Variants in CLSTN3 observed in about 807,000 individuals in gnomAD.
CLSTN3 encodes calsyntenin-3.
In CLSTN3, 36 loss-of-function variants were observed where a neutral mutation model predicts 95.9. The observed-to-expected ratio is 0.38, with a 90% CI of 0.29 to 0.50. The LOEUF is 0.50. CLSTN3 is among the 20% of genes least tolerant of loss of function. CLSTN3 has a pLI of 0.95. For synonymous variants in CLSTN3, 481 were observed against 504.0 expected, an observed-to-expected ratio of 0.95 and a Z score of 0.61; for missense variants, 1,084 against 1,268.8, an observed-to-expected ratio of 0.85 and a Z score of 2.21.
At chr12:7,142,239 C>A in intron 10 of CLSTN3, 100 bp downstream of exon 10, 1 of 1,004,648 alleles carries the variant, frequency 1.0e-6, no homozygotes, top group Non-Finnish European at 1.5e-6. Context: ...CTGTGACAGC[C>A]TCCTAGGCCA....
chr12:7,141,183 G>A lies in CLSTN3; in HGVS notation c.1324-59G>A, dbSNP rs1278961186. ...TCCCAGGAGATGGGGCAGTGCCTAG[G>A]GTTAGCTCTCTGAAGACGAATTACC... On this transcript the variant is annotated intron_variant, in intron 8 of 17. Coordinates refer to ENST00000266546, the MANE Select transcript of CLSTN3 (RefSeq NM_014718.4). This position sits in a 1 kb window ranked among gnomAD's most constrained non-coding sequence, Gnocchi z 4.1. 3 of 1,563,244 alleles carry A rather than the reference G, an allele frequency of 1.9e-6. No individual in the cohort carries two copies. Among genetic ancestry groups the A allele is most frequent in the Non-Finnish European group, 2.6e-6 (3 of 1,146,508 alleles).
chr12:7,134,568 C>G (rs957750914), intron 3 of CLSTN3, among the ~76,000 whole-genome samples: 3 of 152,232 alleles, frequency 2.0e-5, no homozygotes, highest in Admixed American at 6.5e-5. Context: ...CTGCTTGCCC[C>G]GGTGCATGAC....
In CLSTN3 at chr12:7,137,795, T is replaced by TGTGA. The variant is rs768487238; in HGVS notation, c.1211-159_1211-158insTGAG. Among the ~76,000 whole-genome samples the TGTGA allele has an allele frequency of 0.017, 1,234 of 70,594 alleles. 19 individuals carry two copies. Among genetic ancestry groups the TGTGA allele is most frequent in the East Asian group, 0.035 (65 of 1,882 alleles). 46.3% of individuals were successfully genotyped at this position (70,594 alleles called of 152,430 possible). A position where few individuals can be genotyped will look rare whatever the true frequency, so the allele number is the denominator to read the frequency against. ...GTGTGTGTGTGTGTGTGTGTGTGTG[T>TGTGA]GAGAGAGAGAGAGAGAGAGAGAGAG... is the stretch of plus-strand genomic sequence containing the variant. On this transcript the variant is annotated intron_variant, in intron 7 of 17. Transcript: ENST00000266546. The surrounding 1 kb of genome is among the most constrained non-coding windows in gnomAD (Gnocchi z 4.4).
chr12:7,152,826 G>A (rs1032372165), intron 16 of CLSTN3, among the ~76,000 whole-genome samples: 7 of 152,172 alleles, frequency 4.6e-5, no homozygotes, highest in Admixed American at 6.5e-5. Context: ...CCAAGTTCAC[G>A]CAGCTAGAAA....
chr12:7,156,229 G>A (rs1443073922), intron 16 of CLSTN3: 1 of 455,602 alleles, frequency 2.2e-6, no homozygotes, highest in Admixed American at 2.4e-5. Context: ...TGACCCAGCT[G>A]CCCGTAAGGG....
intron 4 of CLSTN3, 114 bp from the exon 5 acceptor site, chr12:7,135,690 C>T: frequency 7.1e-7 from 1 of 1,418,406 alleles, no homozygotes; most frequent in Non-Finnish European, 9.7e-7. Flanking sequence ...TGCCTTTTTT[C>T]CCAGCGTCCT....
chr12:7,150,524 A>T lies in CLSTN3; in HGVS notation c.2246-20A>T, dbSNP rs1939705781. 8.7e-6 allele frequency: 14 copies of T among 1,602,672 alleles called. No individual in the cohort carries two copies. Among genetic ancestry groups the T allele is most frequent in the Non-Finnish European group, 1.1e-5 (13 of 1,171,668 alleles). ...CCTGCCTCCACTGGCCCCTGCCCTG[A>T]GGTGCTTCCTCATCTCCAGGGGTGG... is the stretch of plus-strand genomic sequence containing the variant. On this transcript the variant is annotated intron_variant, in intron 14 of 17. Transcript: ENST00000266546. This position sits in a 1 kb window ranked among gnomAD's most constrained non-coding sequence, Gnocchi z 4.0.
chr12:7,156,179 A>G (rs763764213), intron 16 of CLSTN3: 3 of 430,112 alleles, frequency 7.0e-6, no homozygotes, highest in Non-Finnish European at 1.4e-5. Context: ...GCTGCTGTGT[A>G]TGCATGGTGG....
intron 8 of CLSTN3, among the ~76,000 whole-genome samples, chr12:7,140,606 A>G (rs1281005557): frequency 6.6e-6 from 1 of 152,100 alleles, no homozygotes; most frequent in Non-Finnish European, 1.5e-5. Flanking sequence ...GGGAAGCAAT[A>G]TTTATTTTAG....
intron 1 of CLSTN3, 144 bp from the exon 2 acceptor site, chr12:7,132,880 C>A: frequency 2.7e-6 from 3 of 1,093,554 alleles, no homozygotes; most frequent in Non-Finnish European, 4.1e-6. Flanking sequence ...TGTCCTCAAC[C>A]ACCCGCCTCC....
chr12:7,158,318 C>T lies in CLSTN3; in HGVS notation c.*237C>T, dbSNP rs1939859218. 4.6e-6 allele frequency: 2 copies of T among 431,056 alleles called. No individual in the cohort carries two copies. The highest frequency in any genetic ancestry group is 2.0e-5 in the African/African-American group (1 of 49,772). The allele number at this position is 431,056 out of a possible 1,614,324, so 26.7% of individuals were successfully genotyped here. A position where few individuals can be genotyped will look rare whatever the true frequency, so the allele number is the denominator to read the frequency against. On this transcript the variant is annotated 3_prime_UTR_variant, in exon 18 of 18. Coordinates refer to ENST00000266546, the MANE Select transcript of CLSTN3 (RefSeq NM_014718.4). Reference sequence around the variant, plus strand: ...TCCTGGTGTGCCCCTTGCACTGGGGCTGGCTGGGTTGGAAAGTGGGCTGGA... The same window carrying T: ...TCCTGGTGTGCCCCTTGCACTGGGGTTGGCTGGGTTGGAAAGTGGGCTGGA...
chr12:7,150,420 G>C lies in CLSTN3; in HGVS notation c.2246-124G>C. 8.4e-7 allele frequency: 1 copy of C among 1,183,776 alleles called. No individual in the cohort carries two copies. The highest frequency in any genetic ancestry group is 1.2e-6 in the Non-Finnish European group (1 of 862,192). 73.3% of individuals were successfully genotyped at this position (1,183,776 alleles called of 1,614,324 possible). A position where few individuals can be genotyped will look rare whatever the true frequency, so the allele number is the denominator to read the frequency against. ...CCCTTCGACCTCAGGTCGCACTTCTGCGGAGATGGGGCTGACCTGCTCTAC... is the reference window on the plus strand; with the variant it reads ...CCCTTCGACCTCAGGTCGCACTTCTCCGGAGATGGGGCTGACCTGCTCTAC... On this transcript the variant is annotated intron_variant, in intron 14 of 17. Transcript: ENST00000266546. The surrounding 1 kb of genome is among the most constrained non-coding windows in gnomAD (Gnocchi z 4.0).
intron 12 of CLSTN3, among the ~76,000 whole-genome samples, chr12:7,147,575 G>C (rs1939642727): frequency 6.8e-6 from 1 of 147,320 alleles, no homozygotes; most frequent in Non-Finnish European, 1.5e-5. Context: ...GCAGTGGCCT[G>C]ATCTCATCAG....
intron 3 of CLSTN3, 50 bp from the exon 4 acceptor site, chr12:7,135,277 T>C: frequency 6.4e-7 from 1 of 1,568,572 alleles, no homozygotes; most frequent in Non-Finnish European, 8.8e-7. Context: ...ATGTATAATG[T>C]CGAGGCTGGC....
intron 12 of CLSTN3, among the ~76,000 whole-genome samples, chr12:7,147,251 TG>T (rs1939634490): frequency 6.6e-6 from 1 of 151,600 alleles, no homozygotes; most frequent in African/African-American, 2.4e-5. Context: ...TCAGTGGACT[TG>T]GGCGGTGTGT....
intron 16 of CLSTN3, among the ~76,000 whole-genome samples, chr12:7,152,806 A>G (rs867448187): frequency 6.6e-6 from 1 of 152,226 alleles, no homozygotes; most frequent in South Asian, 2.1e-4. Context: ...AGAGAGTTCA[A>G]GTGCCTTACC....
chr12:7,147,395 C>CAAAAAAAA (rs1565652698), intron 12 of CLSTN3, among the ~76,000 whole-genome samples: 1 of 19,762 alleles, frequency 5.1e-5, no homozygotes, highest in East Asian at 1.2e-3. Context: ...AGAGACTCTG[C>CAAAAAAAA]CAAAAAAAAA....
Position 7,135,367 on chromosome 12 carries a change from G to A in CLSTN3, c.424G>A (p.Ala142Thr), listed in dbSNP as rs1201579728. 6 of 1,614,030 alleles carry A rather than the reference G, an allele frequency of 3.7e-6. No individual in the cohort carries two copies. Among genetic ancestry groups the A allele is most frequent in the Non-Finnish European group, 5.1e-6 (6 of 1,180,018 alleles). The change falls in exon 4 of 18, where the codon GCC (alanine) becomes ACC (threonine). Residue 142 changes from alanine to threonine, a missense_variant. Physicochemically the swap from Ala to Thr is moderately conservative, Grantham distance 58. Transcript: ENST00000266546. ...HVRVNDVNEF[A>T]PVFVERLYRA... ...GCGGGTCAACGATGTGAACGAGTTT[G>A]CCCCAGTGTTTGTGGAACGGCTGTA...
intron 12 of CLSTN3, among the ~76,000 whole-genome samples, chr12:7,143,798 C>T (rs1357276476): frequency 6.6e-6 from 1 of 152,216 alleles, no homozygotes; most frequent in Admixed American, 6.5e-5. Context: ...GCCTGCCCAC[C>T]TGTTTTGTAG....
Sources: gnomAD v4.1 joint callset for allele counts (sites outside exome capture counted in the v4.1 genomes callset) on GRCh38, gnomAD v4.1.1 for gene constraint, Gnocchi (gnomAD v3.1) non-coding constraint, MANE v1.5 for transcripts, NCBI Gene and HGNC (gene_info 2026-07-23, HGNC 2026-07-21) for gene names.